NKD1: variants seen among roughly 807,000 people sequenced by gnomAD.
The protein encoded by NKD1 is protein naked cuticle homolog 1.
In NKD1, 21 loss-of-function variants were observed where a neutral mutation model predicts 56.0. That is an observed-to-expected ratio of 0.38 (90% CI 0.27 to 0.54). NKD1 has a LOEUF of 0.54. Among genes scored for constraint, NKD1 ranks in the 20% least tolerant of loss-of-function variants. The probability of loss-of-function intolerance (pLI) is 0.82; values close to 1 mark genes in which losing one functional copy is unlikely to be tolerated. For missense variants in NKD1, 578 were observed against 642.7 expected (o/e 0.90, Z 1.09); for synonymous variants, 263 against 265.7 (o/e 0.99, Z 0.10).
At chr16:50,630,574 C>T (rs538485064) in intron 7 of NKD1, among the ~76,000 whole-genome samples, 5 of 150,830 alleles carry the variant, frequency 3.3e-5, no homozygotes, top group South Asian at 4.2e-4. Flanking sequence ...GCTGGTGTTA[C>T]GGGCAGCATG....
rs184773085 is a variant in NKD1 at position 50,598,051 on chromosome 16, C to T, written c.193-10243C>T. ...CCAGGGCTGGGAGGCTCCAAGTGGGCGGTCTGGCCTGTGAGAGGGATGGTG... is the reference window on the plus strand; with the variant it reads ...CCAGGGCTGGGAGGCTCCAAGTGGGTGGTCTGGCCTGTGAGAGGGATGGTG... On this transcript the variant is annotated intron_variant, in intron 3 of 9. Transcript: ENST00000268459. The surrounding 1 kb of genome is among the most constrained non-coding windows in gnomAD (Gnocchi z 4.2). Among the ~76,000 whole-genome samples, 90 of 152,134 alleles carry T rather than the reference C, an allele frequency of 5.9e-4. 1 individual carries two copies. The highest frequency in any genetic ancestry group is 1.6e-3 in the African/African-American group (67 of 41,522).
chr16:50,591,738 G>A (rs1005411585), intron 3 of NKD1, among the ~76,000 whole-genome samples: 7 of 152,248 alleles, frequency 4.6e-5, no homozygotes, highest in Non-Finnish European at 8.8e-5. Flanking sequence ...GAAGCACGGA[G>A]CCAGTGAAGG....
rs151177531 is a variant in NKD1, at chr16:50,582,735, G to A, written c.193-25559G>A. The stretch of plus-strand genomic sequence containing the variant: ...TAAAAATGCATTATTGTGGCCAGGC[G>A]CAGTGGCGCACGCCTGTAATCCTAG... On this transcript the variant is annotated intron_variant, in intron 3 of 9. Coordinates refer to ENST00000268459, the MANE Select transcript of NKD1 (RefSeq NM_033119.5). 6.6e-5 allele frequency among the ~76,000 whole-genome samples: 10 copies of A among 152,240 alleles called. No individual in the cohort carries two copies. In the East Asian group the frequency reaches 7.7e-4, roughly 12 times the overall value.
chr16:50,593,616 G>C (rs764914523), intron 3 of NKD1, among the ~76,000 whole-genome samples: 1 of 152,034 alleles, frequency 6.6e-6, no homozygotes, highest in Non-Finnish European at 1.5e-5. Flanking sequence ...TACTGGGCAG[G>C]CCTGGGTCAT....
chr16:50,567,624 G>A (rs1379404282), intron 3 of NKD1, among the ~76,000 whole-genome samples: 2 of 152,164 alleles, frequency 1.3e-5, no homozygotes, highest in African/African-American at 4.8e-5. Context: ...CAGGCCACAG[G>A]TGACAGCTCC....
intron 3 of NKD1, among the ~76,000 whole-genome samples, chr16:50,583,433 C>T (rs766067066): frequency 6.3e-4 from 96 of 152,128 alleles, no homozygotes; most frequent in African/African-American, 2.2e-3. Flanking sequence ...CCTACCAAGG[C>T]GTCAGACATG....
intron 3 of NKD1, among the ~76,000 whole-genome samples, chr16:50,561,959 G>A (rs1960643200): frequency 6.6e-6 from 1 of 152,228 alleles, no homozygotes; most frequent in Non-Finnish European, 1.5e-5. Context: ...GGCAGGAACT[G>A]TCTTGGTGAA....
chr16:50,633,223 GC>G lies in NKD1; in HGVS notation c.862del (p.Arg288AlafsTer59), dbSNP rs772439983. ...SPSVAQKSEL[P>X]PRTSNPTRSR... is the part of the protein sequence containing the mutation. ...CTTCCGTGGCCCAGAAGTCAGAACT[GC>G]CCCCCCGCACCTCCAATCCCACTCG... On this transcript the variant is annotated frameshift_variant, in exon 10 of 10. Transcript: ENST00000268459. LOFTEE classifies it high-confidence loss of function. The surrounding 1 kb of genome is among the most constrained non-coding windows in gnomAD (Gnocchi z 4.9). The G allele has an allele frequency of 2.5e-6, 4 of 1,610,296 alleles. No individual in the cohort carries two copies. Among genetic ancestry groups the G allele is most frequent in the Non-Finnish European group, 3.4e-6 (4 of 1,177,812 alleles).
rs945085656 is a variant in NKD1 at position 50,598,515 on chromosome 16, C to T, written c.193-9779C>T. 7.9e-5 allele frequency among the ~76,000 whole-genome samples: 12 copies of T among 152,148 alleles called. No individual in the cohort carries two copies. Among genetic ancestry groups the T allele is most frequent in the African/African-American group, 2.7e-4 (11 of 41,438 alleles). On this transcript the variant is annotated intron_variant, in intron 3 of 9. Coordinates refer to ENST00000268459, the MANE Select transcript of NKD1 (RefSeq NM_033119.5). The surrounding 1 kb of genome is among the most constrained non-coding windows in gnomAD (Gnocchi z 4.2). ...GGCTATGGGGCACCCTTCCTTGGGG[C>T]CAGATGACAGTGCTGCCTGTCATAA... is the stretch of plus-strand genomic sequence containing the variant.
In NKD1 at chr16:50,621,627, C is replaced by T. The variant is rs753605258; in HGVS notation, c.285C>T (p.Asp95=). The change falls in exon 5 of 10, where the codon GAC becomes GAT. Residue 95 remains aspartate, a synonymous_variant. Coordinates refer to ENST00000268459, the MANE Select transcript of NKD1 (RefSeq NM_033119.5). ...TGGCCCTGCCTCCTGAGAAGACTGA[C>T]GGGCTGGGCAGCGGAGATGAGAAGA... ...LEVALPPEKT[D]GLGSGDEKKM... 10 of 1,613,866 alleles carry T rather than the reference C, an allele frequency of 6.2e-6. No homozygotes were observed. Among genetic ancestry groups the T allele is most frequent in the East Asian group, 2.2e-5 (1 of 44,882 alleles).
At chr16:50,602,668 C>T (rs1442856125) in intron 3 of NKD1, among the ~76,000 whole-genome samples, 1 of 152,238 alleles carries the variant, frequency 6.6e-6, no homozygotes, top group Non-Finnish European at 1.5e-5. Context: ...TGTTCACCCA[C>T]ACGGGGACAA....
chr16:50,554,949 T>C (rs1423104077), intron 3 of NKD1, among the ~76,000 whole-genome samples: 1 of 152,196 alleles, frequency 6.6e-6, no homozygotes, highest in Non-Finnish European at 1.5e-5. Context: ...AATAAGTCCC[T>C]AACTGGGCCA....
rs55694541 is a variant in NKD1 at position 50,598,601 on chromosome 16, C to G, written c.193-9693C>G. Among the ~76,000 whole-genome samples the G allele has an allele frequency of 0.017, 2,622 of 152,240 alleles. 71 individuals are homozygous for G. The highest frequency in any genetic ancestry group is 0.059 in the African/African-American group (2,433 of 41,538). Reference sequence around the variant, plus strand: ...CACGTGCTAGACCCTGGCAGCAGACCGGGGGCCTGTCCCAGGGCCAGGAAC... The same window carrying G: ...CACGTGCTAGACCCTGGCAGCAGACGGGGGGCCTGTCCCAGGGCCAGGAAC... On this transcript the variant is annotated intron_variant, in intron 3 of 9. Transcript: ENST00000268459. This position sits in a 1 kb window ranked among gnomAD's most constrained non-coding sequence, Gnocchi z 4.2.
rs1459706612 is a variant in NKD1 at position 50,637,718 on chromosome 16, G to C, written c.*3937G>C. ...TTTTGAGCACATTTTCCTGCAGGCTGGTATGGGTGAGAGGTTTGGTCTTGT... is the reference window on the plus strand; with the variant it reads ...TTTTGAGCACATTTTCCTGCAGGCTCGTATGGGTGAGAGGTTTGGTCTTGT... On this transcript the variant is annotated 3_prime_UTR_variant, in exon 10 of 10. Coordinates refer to ENST00000268459, the MANE Select transcript of NKD1 (RefSeq NM_033119.5). The C allele has an allele frequency of 6.6e-6, 1 of 152,238 alleles. No homozygotes were observed. The highest frequency in any genetic ancestry group is 6.5e-5 in the Admixed American group (1 of 15,280). 9.4% of individuals were successfully genotyped at this position (152,238 alleles called of 1,614,324 possible). A position where few individuals can be genotyped will look rare whatever the true frequency, so the allele number is the denominator to read the frequency against.
chr16:50,609,666 T>C (rs561626499), intron 4 of NKD1, among the ~76,000 whole-genome samples: 14 of 152,210 alleles, frequency 9.2e-5, no homozygotes, highest in Non-Finnish European at 2.1e-4. Flanking sequence ...GAATCCGATC[T>C]GCATTTTAAC....
At chr16:50,594,485 GA>G (rs1314919804) in intron 3 of NKD1, among the ~76,000 whole-genome samples, 1 of 152,234 alleles carries the variant, frequency 6.6e-6, no homozygotes, top group Non-Finnish European at 1.5e-5. Context: ...ATTCACTCAG[GA>G]CACTGTCCCA....
At chr16:50,574,121 A>G (rs1237590797) in intron 3 of NKD1, 37 of 847,760 alleles carry the variant, frequency 4.4e-5, no homozygotes, top group Non-Finnish European at 5.0e-5. Context: ...TCCTAGTCAC[A>G]TGGGTATTGG....
chr16:50,575,659 A>T (rs1960979450), intron 3 of NKD1, among the ~76,000 whole-genome samples: 1 of 152,230 alleles, frequency 6.6e-6, no homozygotes, highest in South Asian at 2.1e-4. Flanking sequence ...TGACCTTTAC[A>T]CATGCTTTTT....
At chr16:50,590,890 T>C (rs1366740277) in intron 3 of NKD1, among the ~76,000 whole-genome samples, 2 of 152,210 alleles carry the variant, frequency 1.3e-5, no homozygotes, top group Admixed American at 1.3e-4. Flanking sequence ...CAATCTCGGC[T>C]CACTGCAACC....
Sources: gnomAD v4.1 joint callset for allele counts (sites outside exome capture counted in the v4.1 genomes callset) on GRCh38, gnomAD v4.1.1 for gene constraint, Gnocchi (gnomAD v3.1) non-coding constraint, MANE v1.5 for transcripts, NCBI Gene and HGNC (gene_info 2026-07-23, HGNC 2026-07-21) for gene names.